The following IAH1 variants were observed in gnomAD, a reference collection of about 807,000 sequenced individuals.
The protein encoded by IAH1 is isoamyl acetate hydrolyzing esterase 1 (putative), also known as isoamyl acetate-hydrolyzing esterase 1 homolog.
Under a neutral mutation model 26.7 loss-of-function variants are expected in IAH1, and 24 were observed. That is an observed-to-expected ratio of 0.90 (90% CI 0.65 to 1.26). IAH1 has a LOEUF of 1.26. Among genes scored for constraint, IAH1 ranks in the 50% most tolerant of loss-of-function variants. The pLI, the probability that IAH1 is intolerant of heterozygous loss-of-function variation, is 0.00. For synonymous variants in IAH1, 140 were observed against 118.5 expected, an observed-to-expected ratio of 1.18 and a Z score of -1.18; for missense variants, 300 against 299.9, an observed-to-expected ratio of 1.00 and a Z score of 0.00.
intron 2 of IAH1, 121 bp downstream of exon 2, chr2:9,476,160 C>A: frequency 2.5e-6 from 2 of 794,400 alleles, no homozygotes; most frequent in South Asian, 1.5e-5. Context: ...CTTGCCTCCC[C>A]TAATCAGTAT....
At chr2:9,497,921 C>T (rs1011486609), downstream of IAH1, among the ~76,000 whole-genome samples, 18 of 152,158 alleles carry the variant, frequency 1.2e-4, no homozygotes, top group Admixed American at 3.3e-4. Context: ...TGTTTTCCCT[C>T]TACTAGACTG....
In IAH1 at chr2:9,496,314, G is replaced by C. The variant is rs898077399; in HGVS notation, c.*223-1G>C. The C allele has an allele frequency of 8.6e-5, 13 of 151,762 alleles. No individual in the cohort carries two copies. The highest frequency in any genetic ancestry group is 1.5e-4 in the Non-Finnish European group (10 of 68,020). The allele number at this position is 151,762 out of a possible 1,614,324, so 9.4% of individuals were successfully genotyped here. ...CGGCTAATTTTTTTTATTTTTAGTAGAGACAGCGTTTTGCCATGTTGACCA... is the reference window on the plus strand; with the variant it reads ...CGGCTAATTTTTTTTATTTTTAGTACAGACAGCGTTTTGCCATGTTGACCA... On this transcript the variant is annotated splice_acceptor_variant, in intron 6 of 6. Transcript: ENST00000481367. LOFTEE classifies it low-confidence loss of function (3UTR_SPLICE).
the IAH1 span, among the ~76,000 whole-genome samples, chr2:9,502,960 G>A: frequency 1.7e-4 from 26 of 149,856 alleles, no homozygotes; most frequent in African/African-American, 5.9e-4. Flanking sequence ...CCAACATGGT[G>A]AAACTCCGTC....
chr2:9,475,582 G>A (rs1682440545), intron 1 of IAH1: 2 of 236,124 alleles, frequency 8.5e-6, no homozygotes, highest in Non-Finnish European at 8.6e-6. Flanking sequence ...CTCACTGCAA[G>A]CTCCGCCTCC....
rs773282657 is a variant in IAH1 at position 9,481,302 on chromosome 2, G to T, written c.300G>T (p.Gln100His). The T allele has an allele frequency of 5.0e-6, 8 of 1,614,204 alleles. No homozygotes were observed. The South Asian group carries it at 7.7e-5, about 16-fold the overall frequency. ...DSALKDENPKQHIPLEEYAAN... is the reference protein window; with the variant it reads ...DSALKDENPKHHIPLEEYAAN... ...CTTGAGCAGATGAGAATCCCAAGCA[G>T]CACATTCCCCTGGAGGAGTACGCTG... The change falls in exon 4 of 6, where the codon CAG (glutamine) becomes CAT (histidine). Residue 100 changes from glutamine (Q) to histidine (H), a missense_variant. Gln to His is a conservative substitution (Grantham distance 24). Coordinates refer to ENST00000497473, the MANE Select transcript of IAH1 (RefSeq NM_001039613.3).
chr2:9,493,421 A>G (rs1662317929), downstream of IAH1, among the ~76,000 whole-genome samples: 1 of 152,196 alleles, frequency 6.6e-6, no homozygotes, highest in East Asian at 1.9e-4. Flanking sequence ...CATTCAGTCA[A>G]ATAAACACTC....
intron 2 of IAH1, among the ~76,000 whole-genome samples, chr2:9,476,599 G>T (rs1815892): frequency 0.47 from 71,557 of 152,042 alleles, 18,428 homozygotes; most frequent in Middle Eastern, 0.66. Context: ...GAGATGGGTA[G>T]GGCAGTACTA....
At chr2:9,500,090 T>G (rs973102577), downstream of IAH1, among the ~76,000 whole-genome samples, 4 of 37,202 alleles carry the variant, frequency 1.1e-4, no homozygotes, top group East Asian at 9.4e-4. Flanking sequence ...CAAAAACTCA[T>G]AGATAAATGT....
the IAH1 span, among the ~76,000 whole-genome samples, chr2:9,505,927 C>T: frequency 2.6e-5 from 4 of 152,126 alleles, no homozygotes; most frequent in Non-Finnish European, 5.9e-5. Flanking sequence ...ATTAAATCCC[C>T]AATTGTTACC....
intron 2 of IAH1, among the ~76,000 whole-genome samples, chr2:9,476,668 G>A (rs190043854): frequency 1.1e-4 from 17 of 152,280 alleles, no homozygotes; most frequent in Admixed American, 1.0e-3. Context: ...TTGTTAGCAG[G>A]GGAAGGGGGT....
chr2:9,481,500 G>A, intron 4 of IAH1, 53 bp downstream of exon 4: 2 of 1,578,314 alleles, frequency 1.3e-6, no homozygotes, highest in Non-Finnish European at 1.7e-6. Flanking sequence ...GCTGAGGGAG[G>A]AACTCTGATA....
At chr2:9,482,182 C>T (rs1171750958) in intron 4 of IAH1, among the ~76,000 whole-genome samples, 1 of 152,026 alleles carries the variant, frequency 6.6e-6, no homozygotes, top group Non-Finnish European at 1.5e-5. Context: ...GTGTGCACCA[C>T]CACGCCCGGC....
At chr2:9,486,791 C>G (rs1349575051) in intron 5 of IAH1, 1 of 150,814 alleles carries the variant, frequency 6.6e-6, no homozygotes, top group East Asian at 1.9e-4. Flanking sequence ...ACTGTGCCAT[C>G]GTTCTCTAGC....
downstream of IAH1, chr2:9,490,002 C>T (rs1425446485): frequency 1.7e-6 from 1 of 573,674 alleles, no homozygotes; most frequent in East Asian, 2.8e-5. Context: ...CTTACCTTTT[C>T]AAAAGGAGAA....
intron 2 of IAH1, among the ~76,000 whole-genome samples, chr2:9,477,196 GT>G (rs1218971215): frequency 3.3e-5 from 5 of 152,310 alleles, no homozygotes; most frequent in African/African-American, 1.2e-4. Flanking sequence ...ACTTTGAGCA[GT>G]GTCAGAAAGT....
Position 9,481,308 on chromosome 2 carries a change from T to C in IAH1, c.306T>C (p.Ile102=). 6.2e-7 allele frequency: 1 copy of C among 1,614,152 alleles called. No homozygotes were observed. Among genetic ancestry groups the C allele is most frequent in the South Asian group, 1.1e-5 (1 of 91,080 alleles). Residue 102 remains isoleucine (I), a synonymous_variant, in exon 4 of 6, where the codon ATT becomes ATC. Coordinates refer to ENST00000497473, the MANE Select transcript of IAH1 (RefSeq NM_001039613.3). The part of the protein sequence containing the change: ...ALKDENPKQH[I]PLEEYAANLK... ...CAGATGAGAATCCCAAGCAGCACAT[T>C]CCCCTGGAGGAGTACGCTGCGAACC...
At chr2:9,481,571 C>G in intron 4 of IAH1, 124 bp downstream of exon 4, 1 of 829,718 alleles carries the variant, frequency 1.2e-6, no homozygotes. Context: ...CCATTTCAGT[C>G]TGTTTTCAAT....
chr2:9,487,296 G>T (rs1488784769), intron 5 of IAH1, among the ~76,000 whole-genome samples: 1 of 152,058 alleles, frequency 6.6e-6, no homozygotes, highest in African/African-American at 2.4e-5. Flanking sequence ...GCAATGGGAG[G>T]GAGACTGGAC....
chr2:9,490,968 A>G, downstream of IAH1: 1 of 762,208 alleles, frequency 1.3e-6, no homozygotes, highest in Non-Finnish European at 2.1e-6. Flanking sequence ...TAAACATTCC[A>G]ACCTAGACCC....
Sources: allele counts gnomAD v4.1 joint callset (sites outside exome capture counted in the v4.1 genomes callset), GRCh38; gene constraint gnomAD v4.1.1; transcripts MANE v1.5; gene names NCBI Gene and HGNC (gene_info 2026-07-23, HGNC 2026-07-21).